PARN: variants seen among roughly 807,000 people sequenced by gnomAD.
PARN encodes poly(A)-specific ribonuclease PARN.
PARN carries 71 observed loss-of-function variants against 102.8 expected under a neutral mutation model. The ratio of observed to expected loss-of-function variants is 0.69; its 90% CI spans 0.57 to 0.84. The LOEUF is 0.84. Among genes scored for constraint, PARN ranks in the 40% least tolerant of loss-of-function variants. The probability of loss-of-function intolerance (pLI) is 0.00; values close to 1 mark genes in which losing one functional copy is unlikely to be tolerated. For synonymous variants in PARN, 261 were observed against 252.9 expected (o/e 1.03, Z -0.30); for missense variants, 782 against 760.9 (o/e 1.03, Z -0.33).
chr16:14,627,247 A>T (rs775828813), intron 4 of PARN, 22 bp downstream of exon 4: 8 of 1,586,288 alleles, frequency 5.0e-6, no homozygotes, highest in Non-Finnish European at 6.9e-6. Flanking sequence ...CGGAATTCCC[A>T]ACGTTTGTTA....
At chr16:14,562,588 G>C (rs914025785) in intron 18 of PARN, among the ~76,000 whole-genome samples, 2 of 151,706 alleles carry the variant, frequency 1.3e-5, no homozygotes, top group African/African-American at 4.8e-5. Context: ...TAGGTTCTCT[G>C]CAAGAGATAA....
chr16:14,523,395 A>G (rs1221217709), intron 21 of PARN, among the ~76,000 whole-genome samples: 2 of 152,230 alleles, frequency 1.3e-5, no homozygotes, highest in Non-Finnish European at 2.9e-5. Flanking sequence ...CTTTCAAACA[A>G]ACGTGGCACA....
At chr16:14,446,800 C>T in intron 23 of PARN, 88 bp downstream of exon 23, 1 of 891,484 alleles carries the variant, frequency 1.1e-6, no homozygotes, top group Non-Finnish European at 1.7e-6. Context: ...CAAGTGAAGC[C>T]TTGCTATAAT....
rs371855536 is a variant in PARN at position 14,594,671 on chromosome 16, G to A, written c.841-1293C>T. Among the ~76,000 whole-genome samples the A allele has an allele frequency of 1.1e-4, 16 of 152,204 alleles. No homozygotes were observed. The South Asian group carries it at 2.7e-3, about 26-fold the overall frequency. The stretch of plus-strand genomic sequence containing the variant: ...GCGGAGGTTGCAGTGAGCTGAGATC[G>A]CACCACTGCACTCCAGCCTGGGCGA... On this transcript the variant is annotated intron_variant, in intron 12 of 23. Transcript: ENST00000437198.
At chr16:14,623,138 C>T (rs115501813) in intron 5 of PARN, among the ~76,000 whole-genome samples, 1,529 of 151,064 alleles carry the variant, frequency 0.01, 28 homozygotes, top group African/African-American at 0.035. Context: ...TGTGTCTAGG[C>T]ATATGTCTAT....
At chr16:14,486,147 G>A (rs1255482996) in intron 21 of PARN, among the ~76,000 whole-genome samples, 1 of 152,072 alleles carries the variant, frequency 6.6e-6, no homozygotes, top group African/African-American at 2.4e-5. Flanking sequence ...TTGAGCCCAG[G>A]GGTTCGAGAC....
At chr16:14,497,571 C>G (rs1436861739) in intron 21 of PARN, among the ~76,000 whole-genome samples, 2 of 152,224 alleles carry the variant, frequency 1.3e-5, no homozygotes, top group African/African-American at 4.8e-5. Flanking sequence ...AAATCTGCCA[C>G]AACATTAGTG....
In PARN at chr16:14,594,567, T is replaced by C. The variant is rs566575773; in HGVS notation, c.841-1189A>G. ...CTGTATCTACTAAAAACACAAAAAA[T>C]TAGCTGGGTGTGGTGGCAGATGCCT... On this transcript the variant is annotated intron_variant, in intron 12 of 23. Coordinates refer to ENST00000437198, the MANE Select transcript of PARN (RefSeq NM_002582.4). Among the ~76,000 whole-genome samples the C allele has an allele frequency of 4.6e-5, 7 of 151,992 alleles. No individual in the cohort carries two copies. The South Asian group carries it at 1.2e-3, about 27-fold the overall frequency.
intron 23 of PARN, among the ~76,000 whole-genome samples, chr16:14,437,083 T>C (rs1475939911): frequency 6.6e-6 from 1 of 152,264 alleles, no homozygotes; most frequent in African/African-American, 2.4e-5. Context: ...CTGAACACCA[T>C]GCTGGATTCT....
chr16:14,597,298 A>G (rs565848624), intron 12 of PARN, among the ~76,000 whole-genome samples: 6 of 152,368 alleles, frequency 3.9e-5, no homozygotes, highest in African/African-American at 1.4e-4. Flanking sequence ...GTTAAACTAT[A>G]TAGTTAATTT....
intron 21 of PARN, among the ~76,000 whole-genome samples, chr16:14,531,977 C>G (rs529701745): frequency 2.0e-5 from 3 of 151,654 alleles, no homozygotes; most frequent in Non-Finnish European, 2.9e-5. Flanking sequence ...GCAGGAGGAT[C>G]GCTTCAGCCC....
At chr16:14,476,611 C>T (rs939233913) in intron 22 of PARN, among the ~76,000 whole-genome samples, 6 of 152,190 alleles carry the variant, frequency 3.9e-5, no homozygotes, top group Non-Finnish European at 5.9e-5. Context: ...GGGAGGATCA[C>T]TTGAAGCAAA....
chr16:14,610,093 G>A (rs939275290), intron 7 of PARN, among the ~76,000 whole-genome samples: 2 of 152,108 alleles, frequency 1.3e-5, no homozygotes, highest in African/African-American at 2.4e-5. Context: ...GTCTGACCAC[G>A]TACTGAAATC....
intron 22 of PARN, among the ~76,000 whole-genome samples, chr16:14,448,129 C>T (rs1441959864): frequency 6.6e-6 from 1 of 151,860 alleles, no homozygotes; most frequent in Non-Finnish European, 1.5e-5. Context: ...GGATTACAGG[C>T]ACCCGCCACC....
chr16:14,614,266 A>G (rs912703982), intron 6 of PARN, among the ~76,000 whole-genome samples: 2 of 149,366 alleles, frequency 1.3e-5, no homozygotes, highest in African/African-American at 4.9e-5. Context: ...AAAAATGGGA[A>G]AAAAAAAAAA....
intron 21 of PARN, among the ~76,000 whole-genome samples, chr16:14,536,454 G>C (rs565820756): frequency 6.6e-6 from 1 of 152,176 alleles, no homozygotes; most frequent in African/African-American, 2.4e-5. Flanking sequence ...TAATTTCACT[G>C]CTTTGCGTTT....
intron 22 of PARN, among the ~76,000 whole-genome samples, chr16:14,461,182 G>A (rs893569049): frequency 2.6e-5 from 4 of 152,110 alleles, no homozygotes; most frequent in African/African-American, 7.2e-5. Context: ...TCAAAAACAA[G>A]GAGAGTCAGA....
chr16:14,565,624 T>C (rs1968383015), intron 18 of PARN, among the ~76,000 whole-genome samples: 1 of 152,262 alleles, frequency 6.6e-6, no homozygotes, highest in Non-Finnish European at 1.5e-5. Context: ...TTTTACAGTC[T>C]GTGCTCAGGC....
intron 21 of PARN, among the ~76,000 whole-genome samples, chr16:14,515,237 A>G (rs1965403615): frequency 6.6e-6 from 1 of 152,014 alleles, no homozygotes; most frequent in Non-Finnish European, 1.5e-5. Flanking sequence ...CAATCTCCTG[A>G]GTAGCTGGGA....
Sources: allele counts gnomAD v4.1 joint callset (sites outside exome capture counted in the v4.1 genomes callset), GRCh38; gene constraint gnomAD v4.1.1; transcripts MANE v1.5; gene names NCBI Gene and HGNC (gene_info 2026-07-23, HGNC 2026-07-21).